ADGRL2: variants seen among roughly 807,000 people sequenced by gnomAD.
ADGRL2 encodes adhesion G protein-coupled receptor L2.
In ADGRL2, 44 loss-of-function variants were observed where a neutral mutation model predicts 157.4. The observed-to-expected ratio is 0.28, with a 90% confidence interval of 0.22 to 0.36. ADGRL2 has a LOEUF of 0.36. ADGRL2 is among the 10% of genes least tolerant of loss of function. The probability of loss-of-function intolerance (pLI) is 1.00; values close to 1 mark genes in which losing one functional copy is unlikely to be tolerated. For missense variants in ADGRL2, 1,510 were observed against 1,768.9 expected (o/e 0.85, Z 2.63); for synonymous variants, 585 against 624.7 (o/e 0.94, Z 0.95).
At chr1:81,829,576 TTATAATATTCCTG>T (rs1231398676) in intron 1 of ADGRL2, among the ~76,000 whole-genome samples, 2 of 152,214 alleles carry the variant, frequency 1.3e-5, no homozygotes, top group African/African-American at 4.8e-5. Flanking sequence ...CTTCAGGTTA[TTATAATATTCCTG>T]TCAATATAAT....
At chr1:81,337,819 T>G (rs958122165) in intron 1 of ADGRL2, among the ~76,000 whole-genome samples, 4 of 152,188 alleles carry the variant, frequency 2.6e-5, no homozygotes, top group African/African-American at 9.6e-5. Flanking sequence ...AACTAACCAG[T>G]TCCAGCCCTT....
intron 2 of ADGRL2, among the ~76,000 whole-genome samples, chr1:81,466,495 T>G (rs1307461899): frequency 6.6e-6 from 1 of 152,144 alleles, no homozygotes. Context: ...TGAAGAGATT[T>G]CATCTCTATT....
At chr1:81,923,344 A>G (rs1362053830) in intron 3 of ADGRL2, among the ~76,000 whole-genome samples, 3 of 152,206 alleles carry the variant, frequency 2.0e-5, no homozygotes, top group African/African-American at 7.2e-5. Context: ...TAAGCCAGTG[A>G]AATTTGTCAT....
chr1:81,497,266 A>AT (rs777715185), intron 2 of ADGRL2, among the ~76,000 whole-genome samples: 10 of 152,172 alleles, frequency 6.6e-5, no homozygotes, highest in Non-Finnish European at 1.2e-4. Context: ...CTTTTAATAA[A>AT]TGCATTTGCT....
chr1:81,400,525 C>T (rs1461344636), intron 1 of ADGRL2, among the ~76,000 whole-genome samples: 4 of 152,154 alleles, frequency 2.6e-5, no homozygotes, highest in Middle Eastern at 3.4e-3. Context: ...AGGTTTGGGC[C>T]TGGGGAGTAG....
At chr1:81,628,506 C>A (rs982420309) in intron 3 of ADGRL2, among the ~76,000 whole-genome samples, 1 of 152,092 alleles carries the variant, frequency 6.6e-6, no homozygotes, top group African/African-American at 2.4e-5. Context: ...TCACTCAATA[C>A]GTTAACATAT....
chr1:81,462,119 T>G (rs1321937551), intron 2 of ADGRL2, among the ~76,000 whole-genome samples: 3 of 152,034 alleles, frequency 2.0e-5, no homozygotes, highest in Admixed American at 6.6e-5. Flanking sequence ...CCAATCAGCA[T>G]TCTGTAAAAA....
intron 2 of ADGRL2, among the ~76,000 whole-genome samples, chr1:81,537,141 C>A (rs1169176356): frequency 6.6e-6 from 1 of 152,110 alleles, no homozygotes; most frequent in South Asian, 2.1e-4. Context: ...CCACTGTATA[C>A]ATTTTAAAAG....
chr1:81,954,736 G>A (rs1652930200), intron 10 of ADGRL2, among the ~76,000 whole-genome samples: 2 of 152,086 alleles, frequency 1.3e-5, no homozygotes, highest in African/African-American at 4.8e-5. Flanking sequence ...GGAAGGTCGT[G>A]GTGTCTCACA....
intron 1 of ADGRL2, among the ~76,000 whole-genome samples, chr1:81,388,509 C>T (rs2076477998): frequency 6.6e-6 from 1 of 152,136 alleles, no homozygotes; most frequent in South Asian, 2.1e-4. Flanking sequence ...GTTTTATCTT[C>T]TCACTCCTCA....
chr1:81,907,190 G>T lies in ADGRL2; in HGVS notation c.247G>T (p.Asp83Tyr). 1 of 1,614,084 alleles carries T rather than the reference G, an allele frequency of 6.2e-7. No individual in the cohort carries two copies. The highest frequency in any genetic ancestry group is 8.5e-7 in the Non-Finnish European group (1 of 1,179,984). The change falls in exon 3 of 24, where the codon GAC (aspartate) becomes TAC (tyrosine). Residue 83 changes from aspartate to tyrosine, a missense_variant. Coordinates refer to ENST00000686636, the MANE Select transcript of ADGRL2 (RefSeq NM_001366006.2). ...TGACCCATTTCAGATGGAGAATACA[G>T]ACTGCTACCTCCCCGATGCCTTCAA... is the stretch of plus-strand genomic sequence containing the variant. ...DADPFQMENT[D>Y]CYLPDAFKIM...
chr1:81,970,496 A>G lies in ADGRL2; in HGVS notation c.2916A>G (p.Ser972=), dbSNP rs1388350987. The G allele has an allele frequency of 6.3e-7, 1 of 1,586,326 alleles. No individual in the cohort carries two copies. Among genetic ancestry groups the G allele is most frequent in the Non-Finnish European group, 8.5e-7 (1 of 1,171,462 alleles). ...YLFPATVVGV[S]AAIDYKSYGT... ...TTCCTGCCACAGTGGTTGGAGTTTC[A>G]GCTGCTATTGACTATAAGAGCTATG... is the stretch of plus-strand genomic sequence containing the variant. The change falls in exon 16 of 24, where the codon TCA becomes TCG. Residue 972 remains serine (S), a synonymous_variant. Transcript: ENST00000686636.
Position 81,976,611 on chromosome 1 carries a change from A to T in ADGRL2, c.3022-3258A>T, listed in dbSNP as rs111797370. On this transcript the variant is annotated intron_variant, in intron 17 of 23. Transcript: ENST00000686636. Reference sequence around the variant, plus strand: ...AGTATGTTAGAAACAGCTTTAAAAAATTTTGTTCTTACATTTGCACTTGGA... The same window carrying T: ...AGTATGTTAGAAACAGCTTTAAAAATTTTTGTTCTTACATTTGCACTTGGA... Among the ~76,000 whole-genome samples, 1,023 of 152,090 alleles carry T rather than the reference A, an allele frequency of 6.7e-3. 14 individuals are homozygous for T. Among genetic ancestry groups the T allele is most frequent in the African/African-American group, 0.023 (967 of 41,556 alleles).
In ADGRL2 at chr1:81,741,064, T is replaced by A. The variant is rs567328935; in HGVS notation, c.-142-20747T>A. Among the ~76,000 whole-genome samples the A allele has an allele frequency of 2.0e-5, 3 of 151,954 alleles. No homozygotes were observed. In the South Asian group the frequency reaches 6.2e-4, roughly 32 times the overall value. Reference sequence around the variant, plus strand: ...ATACTGAATGGTCTTATGTCCGTTTTGTGTATTATAGGCCAGAGGCTAATC... The same window carrying A: ...ATACTGAATGGTCTTATGTCCGTTTAGTGTATTATAGGCCAGAGGCTAATC... On this transcript the variant is annotated intron_variant, in intron 1 of 20. Coordinates refer to the ADGRL2 transcript ENST00000359929.
chr1:81,785,007 T>C (rs1238384496), intron 2 of ADGRL2, among the ~76,000 whole-genome samples: 2 of 152,128 alleles, frequency 1.3e-5, no homozygotes, highest in Admixed American at 6.6e-5. Context: ...TTTACTTTTT[T>C]CATTGAGAAG....
chr1:81,746,155 C>T (rs1011695565), intron 1 of ADGRL2, among the ~76,000 whole-genome samples: 3 of 152,066 alleles, frequency 2.0e-5, no homozygotes, highest in Non-Finnish European at 4.4e-5. Flanking sequence ...GTAAATTCCT[C>T]ATTAGACATC....
intron 2 of ADGRL2, among the ~76,000 whole-genome samples, chr1:81,525,023 A>G (rs1017693406): frequency 6.6e-6 from 1 of 152,236 alleles, no homozygotes; most frequent in Non-Finnish European, 1.5e-5. Flanking sequence ...GTTAGGGGAC[A>G]GAGGTAAAAA....
intron 3 of ADGRL2, among the ~76,000 whole-genome samples, chr1:81,681,380 T>C (rs1474217124): frequency 1.3e-5 from 2 of 152,154 alleles, no homozygotes; most frequent in Non-Finnish European, 2.9e-5. Context: ...CTGTCTTCTG[T>C]TTGAAAGCCA....
chr1:81,604,398 A>G (rs1179949571), intron 3 of ADGRL2, among the ~76,000 whole-genome samples: 2 of 152,178 alleles, frequency 1.3e-5, no homozygotes, highest in African/African-American at 4.8e-5. Context: ...AGTGAGCTAC[A>G]GCTTGAAAAC....
Sources: allele counts gnomAD v4.1 joint callset (sites outside exome capture counted in the v4.1 genomes callset), GRCh38; gene constraint gnomAD v4.1.1; transcripts MANE v1.5; gene names NCBI Gene and HGNC (gene_info 2026-07-23, HGNC 2026-07-21).